The following CSMD1 variants were observed in gnomAD, a reference collection of about 807,000 sequenced individuals.
CSMD1 encodes CUB and Sushi multiple domains 1.
Under a neutral mutation model 417.5 loss-of-function variants are expected in CSMD1, and 213 were observed. The observed-to-expected ratio is 0.51, with a 90% CI of 0.46 to 0.57. The LOEUF is 0.57. Among genes scored for constraint, CSMD1 ranks in the 20% least tolerant of loss-of-function variants. CSMD1 has a pLI of 0.00. For synonymous variants in CSMD1, 2,862 were observed against 1,736.8 expected (o/e 1.65, Z -16.11); for missense variants, 6,923 against 4,529.7 (o/e 1.53, Z -15.17).
chr8:3,968,133 G>A (rs1454186673), intron 5 of CSMD1, among the ~76,000 whole-genome samples: 1 of 151,676 alleles, frequency 6.6e-6, no homozygotes, highest in Non-Finnish European at 1.5e-5. Flanking sequence ...CTTGCAGTGA[G>A]CCGAGATCGA....
At chr8:4,733,726 T>C (rs1810046792) in intron 1 of CSMD1, among the ~76,000 whole-genome samples, 1 of 152,228 alleles carries the variant, frequency 6.6e-6, no homozygotes, top group African/African-American at 2.4e-5. Flanking sequence ...AAGAAGTATG[T>C]AGGAACCCAT....
intron 3 of CSMD1, among the ~76,000 whole-genome samples, chr8:4,193,296 C>A (rs556947344): frequency 6.6e-6 from 1 of 152,108 alleles, no homozygotes; most frequent in African/African-American, 2.4e-5. Flanking sequence ...AAATACCATG[C>A]CCATAATGAA....
Position 3,571,702 on chromosome 8 carries a change from G to A in CSMD1, c.1344+3243C>T, listed in dbSNP as rs541956772. Among the ~76,000 whole-genome samples, 5 of 152,112 alleles carry A rather than the reference G, an allele frequency of 3.3e-5. No individual in the cohort carries two copies. The South Asian group carries it at 8.3e-4, about 25-fold the overall frequency. On this transcript the variant is annotated intron_variant, in intron 10 of 69. Coordinates refer to ENST00000635120, the MANE Select transcript of CSMD1 (RefSeq NM_033225.6). ...TGTTCCTCCCTCCCCATGCTTGAGG[G>A]TCTTGTGTTCCTCCGTCCCTGTGCT... is the stretch of plus-strand genomic sequence containing the variant.
At chr8:3,689,743 T>G (rs574724555) in intron 7 of CSMD1, among the ~76,000 whole-genome samples, 2 of 152,248 alleles carry the variant, frequency 1.3e-5, no homozygotes, top group South Asian at 4.1e-4. Context: ...GAAAACATGA[T>G]CACTAAATAA....
At chr8:3,474,549 A>C (rs1483013879) in intron 11 of CSMD1, among the ~76,000 whole-genome samples, 1 of 152,222 alleles carries the variant, frequency 6.6e-6, no homozygotes, top group African/African-American at 2.4e-5. Context: ...ACATTTACTT[A>C]AATGTTTAAT....
chr8:3,307,594 G>C (rs1005700923), intron 25 of CSMD1, 101 bp downstream of exon 25: 10 of 1,330,912 alleles, frequency 7.5e-6, no homozygotes, highest in African/African-American at 1.5e-5. Flanking sequence ...CTTTAGTTCA[G>C]AAACTTTAAC....
At chr8:4,550,108 C>G (rs866994755) in intron 2 of CSMD1, among the ~76,000 whole-genome samples, 3 of 151,630 alleles carry the variant, frequency 2.0e-5, no homozygotes, top group African/African-American at 7.3e-5. Context: ...TCGGTAGAAA[C>G]GGACTTTTCC....
intron 3 of CSMD1, among the ~76,000 whole-genome samples, chr8:4,073,437 T>C (rs575618398): frequency 6.6e-6 from 1 of 152,250 alleles, no homozygotes; most frequent in South Asian, 2.1e-4. Context: ...TATTTGTTAT[T>C]CTGTGCGACT....
intron 1 of CSMD1, among the ~76,000 whole-genome samples, chr8:4,825,112 C>G (rs766865739): frequency 6.6e-6 from 1 of 152,086 alleles, no homozygotes; most frequent in African/African-American, 2.4e-5. Flanking sequence ...ATGAACAACA[C>G]AAATCAAGGT....
chr8:4,335,106 T>G (rs1278308557), intron 3 of CSMD1, among the ~76,000 whole-genome samples: 1 of 152,092 alleles, frequency 6.6e-6, no homozygotes, highest in Non-Finnish European at 1.5e-5. Flanking sequence ...CACACAATGT[T>G]GCCCAGATTG....
At chr8:4,166,895 G>C (rs536683733) in intron 3 of CSMD1, among the ~76,000 whole-genome samples, 3 of 152,272 alleles carry the variant, frequency 2.0e-5, no homozygotes, top group African/African-American at 7.2e-5. Flanking sequence ...TTCCTTAGCA[G>C]CAGCAGCCTC....
chr8:4,502,026 GAA>G (rs775005984), intron 2 of CSMD1, among the ~76,000 whole-genome samples: 24 of 152,060 alleles, frequency 1.6e-4, no homozygotes, highest in Non-Finnish European at 2.6e-4. Context: ...TTTGCAGTCT[GAA>G]GTTAAGAATA....
chr8:3,600,833 G>A (rs1170106404), intron 8 of CSMD1, among the ~76,000 whole-genome samples: 1 of 151,582 alleles, frequency 6.6e-6, no homozygotes, highest in Non-Finnish European at 1.5e-5. Flanking sequence ...ACATTCATAT[G>A]CATGTTTTGC....
At chr8:3,615,580 C>T (rs1417885408) in intron 8 of CSMD1, among the ~76,000 whole-genome samples, 1 of 152,138 alleles carries the variant, frequency 6.6e-6, no homozygotes, top group Non-Finnish European at 1.5e-5. Flanking sequence ...AAACAATATA[C>T]CATTTTACCA....
At chr8:4,945,138 G>C (rs1007664964) in intron 1 of CSMD1, among the ~76,000 whole-genome samples, 1 of 152,244 alleles carries the variant, frequency 6.6e-6, no homozygotes, top group South Asian at 2.1e-4. Flanking sequence ...AGCGTAATTA[G>C]CCACCCACAA....
intron 2 of CSMD1, among the ~76,000 whole-genome samples, chr8:4,568,112 A>C (rs2693791): frequency 0.42 from 63,971 of 152,162 alleles, 14,233 homozygotes; most frequent in East Asian, 0.56. Flanking sequence ...TCATATTCAA[A>C]AGCACATTCA....
At position 4,575,426 on chromosome 8, in the gene CSMD1, C is replaced by CATATTGT. The variant is rs143084330; in HGVS notation, c.302+61909_302+61915dup. Among the ~76,000 whole-genome samples, 627 of 152,270 alleles carry CATATTGT rather than the reference C, an allele frequency of 4.1e-3. 2 individuals carry two copies. Among genetic ancestry groups the CATATTGT allele is most frequent in the African/African-American group, 0.015 (607 of 41,538 alleles). ...CTGGGTTGTAGAACCATTTCCACTA[C>CATATTGT]ATATTGTCTGTGTAACATCCGGCAG... is the stretch of plus-strand genomic sequence containing the variant. On this transcript the variant is annotated intron_variant, in intron 2 of 69. Coordinates refer to ENST00000635120, the MANE Select transcript of CSMD1 (RefSeq NM_033225.6).
chr8:4,047,717 T>C (rs1370829165), intron 3 of CSMD1, among the ~76,000 whole-genome samples: 1 of 152,144 alleles, frequency 6.6e-6, no homozygotes. Flanking sequence ...TCAGTGGATT[T>C]TAAATGCTAT....
chr8:3,413,629 G>C (rs1295242717), intron 12 of CSMD1, among the ~76,000 whole-genome samples: 1 of 152,118 alleles, frequency 6.6e-6, no homozygotes, highest in Admixed American at 6.5e-5. Context: ...GAACTATCTT[G>C]GAATATTTTG....
Sources: allele counts gnomAD v4.1 joint callset (sites outside exome capture counted in the v4.1 genomes callset), GRCh38; gene constraint gnomAD v4.1.1; transcripts MANE v1.5; gene names NCBI Gene and HGNC (gene_info 2026-07-23, HGNC 2026-07-21).